Variants in CNGB3 observed in about 807,000 individuals in gnomAD.
CNGB3 encodes cyclic nucleotide gated channel subunit beta 3, also known as cyclic nucleotide-gated channel beta-3.
Under a neutral mutation model 92.8 loss-of-function variants are expected in CNGB3, and 86 were observed. The ratio of observed to expected loss-of-function variants is 0.93; its 90% CI spans 0.78 to 1.11. The LOEUF (loss-of-function observed/expected upper bound fraction) is 1.11. Among genes scored for constraint, CNGB3 ranks in the 50% least tolerant of loss-of-function variants. The probability of loss-of-function intolerance (pLI) is 0.00; values close to 1 mark genes in which losing one functional copy is unlikely to be tolerated. For synonymous variants in CNGB3, 333 were observed against 332.7 expected (o/e 1.00, Z -0.01); for missense variants, 1,026 against 956.8 (o/e 1.07, Z -0.95).
chr8:86,676,508 G>A (rs1326274287), intron 3 of CNGB3, among the ~76,000 whole-genome samples: 1 of 152,168 alleles, frequency 6.6e-6, no homozygotes, highest in African/African-American at 2.4e-5. Flanking sequence ...ATTCTAAGCA[G>A]AAGAGGGACA....
At chr8:86,668,944 A>AAGAGTTAG (rs887116555) in intron 4 of CNGB3, among the ~76,000 whole-genome samples, 1 of 152,160 alleles carries the variant, frequency 6.6e-6, no homozygotes, top group Non-Finnish European at 1.5e-5. Flanking sequence ...ATTTAAGCCC[A>AAGAGTTAG]AGAGTTAGAG....
intron 3 of CNGB3, among the ~76,000 whole-genome samples, chr8:86,684,206 G>A (rs1189487122): frequency 1.3e-5 from 2 of 152,076 alleles, no homozygotes; most frequent in Non-Finnish European, 2.9e-5. Flanking sequence ...GACATTTCAC[G>A]GAAGATGATA....
At chr8:86,652,199 T>TTTC (rs1390987825) in intron 7 of CNGB3, among the ~76,000 whole-genome samples, 2 of 151,930 alleles carry the variant, frequency 1.3e-5, no homozygotes, top group African/African-American at 4.8e-5. Context: ...AAAGGTACAG[T>TTTC]TAAAAATATG....
chr8:86,721,302 A>T (rs1183554174), intron 3 of CNGB3, among the ~76,000 whole-genome samples: 2 of 152,140 alleles, frequency 1.3e-5, no homozygotes, highest in African/African-American at 4.8e-5. Flanking sequence ...TTCTAAGTGA[A>T]GTAACTCAGG....
At chr8:86,699,127 A>G (rs1224635943) in intron 3 of CNGB3, among the ~76,000 whole-genome samples, 1 of 152,224 alleles carries the variant, frequency 6.6e-6, no homozygotes, top group African/African-American at 2.4e-5. Flanking sequence ...TTTGAAGGAT[A>G]GTAAAGTTAC....
chr8:86,579,411 G>T (rs925879568), intron 15 of CNGB3, among the ~76,000 whole-genome samples, 159 bp from the exon 16 acceptor site: 3 of 152,150 alleles, frequency 2.0e-5, no homozygotes, highest in Non-Finnish European at 4.4e-5. Context: ...TCAAGATGTG[G>T]GAATAGAAAT....
intron 11 of CNGB3, among the ~76,000 whole-genome samples, chr8:86,631,882 G>GC (rs1822968650): frequency 6.6e-6 from 1 of 152,196 alleles, no homozygotes; most frequent in East Asian, 1.9e-4. Context: ...GCTGACTGAG[G>GC]CCTTGCTTGT....
intron 6 of CNGB3, among the ~76,000 whole-genome samples, chr8:86,664,077 T>C (rs181024603): frequency 6.6e-6 from 1 of 152,374 alleles, no homozygotes; most frequent in African/African-American, 2.4e-5. Context: ...TCATCACCAT[T>C]CATCAAGCTG....
intron 3 of CNGB3, among the ~76,000 whole-genome samples, chr8:86,725,157 G>A (rs1001117391): frequency 1.3e-5 from 2 of 152,126 alleles, no homozygotes; most frequent in African/African-American, 4.8e-5. Context: ...GTGGGTTATT[G>A]TAAAAAATAA....
At chr8:86,584,719 T>C (rs1821859991) in intron 15 of CNGB3, among the ~76,000 whole-genome samples, 2 of 152,194 alleles carry the variant, frequency 1.3e-5, no homozygotes, top group Admixed American at 1.3e-4. Flanking sequence ...AGGTTGCTAT[T>C]GTTTCCCTAG....
chr8:86,651,977 G>A (rs1823411462), intron 7 of CNGB3, among the ~76,000 whole-genome samples: 1 of 151,884 alleles, frequency 6.6e-6, no homozygotes, highest in East Asian at 1.9e-4. Flanking sequence ...AAACCTAGAT[G>A]TATTGCCTAC....
chr8:86,680,988 C>G (rs1824071466), intron 3 of CNGB3, among the ~76,000 whole-genome samples: 1 of 152,120 alleles, frequency 6.6e-6, no homozygotes, highest in African/African-American at 2.4e-5. Context: ...TAAACGGCTC[C>G]TACGCTTTGC....
At position 86,628,968 on chromosome 8, in the gene CNGB3, C is replaced by A. The variant is rs760898777; in HGVS notation, c.1431G>T (p.Lys477Asn). The change falls in exon 12 of 18, where the codon AAG becomes AAT. Residue 477 changes from lysine to asparagine, a missense_variant. Lys to Asn is a moderately conservative substitution (Grantham distance 94). Coordinates refer to ENST00000320005, the MANE Select transcript of CNGB3 (RefSeq NM_019098.5). The part of the protein sequence containing the change: ...NNYSIPKLVQ[K>N]RVRTWYEYTW... ...TATATTCATACCAAGTCCGAACTCG[C>A]TTTTGCACAAGTTTAGGAATGGAGT... 1 of 1,613,954 alleles carries A rather than the reference C, an allele frequency of 6.2e-7. No individual in the cohort carries two copies. The highest frequency in any genetic ancestry group is 8.5e-7 in the Non-Finnish European group (1 of 1,179,942).
At chr8:86,704,761 T>C (rs1460409992) in intron 3 of CNGB3, among the ~76,000 whole-genome samples, 5 of 152,226 alleles carry the variant, frequency 3.3e-5, no homozygotes, top group Non-Finnish European at 1.5e-5. Flanking sequence ...AAATAAATTA[T>C]AATCTAAATT....
chr8:86,692,902 A>G (rs1824348683), intron 3 of CNGB3, among the ~76,000 whole-genome samples: 1 of 152,110 alleles, frequency 6.6e-6, no homozygotes, highest in Non-Finnish European at 1.5e-5. Flanking sequence ...TCCTTTTAGC[A>G]GTTCTTATAG....
chr8:86,635,857 T>TAC lies in CNGB3; in HGVS notation c.1179-2965_1179-2964insGT, dbSNP rs1333957308. On this transcript the variant is annotated intron_variant, in intron 10 of 17. Transcript: ENST00000320005. ...ATATATATATATATATATATATATATATATATACACATACACATATACTTA... is the reference window on the plus strand; with the variant it reads ...ATATATATATATATATATATATATATACATATATACACATACACATATACTTA... Among the ~76,000 whole-genome samples the TAC allele has an allele frequency of 1.8e-3, 138 of 77,326 alleles. 2 individuals are homozygous for TAC. Among genetic ancestry groups the TAC allele is most frequent in the Non-Finnish European group, 2.7e-3 (114 of 41,860 alleles). The allele number at this position is 77,326 out of a possible 152,430, so 50.7% of individuals were successfully genotyped here.
chr8:86,695,072 A>G (rs1235996667), intron 3 of CNGB3, among the ~76,000 whole-genome samples: 1 of 152,350 alleles, frequency 6.6e-6, no homozygotes, highest in East Asian at 1.9e-4. Context: ...AGGCTGGCGG[A>G]TCACTCGCGG....
intron 10 of CNGB3, among the ~76,000 whole-genome samples, chr8:86,640,330 C>A (rs1055480959): frequency 3.3e-5 from 5 of 151,938 alleles, no homozygotes; most frequent in African/African-American, 1.2e-4. Flanking sequence ...TTGCACTAGG[C>A]CAAACAGACC....
intron 3 of CNGB3, among the ~76,000 whole-genome samples, chr8:86,723,687 A>G (rs575543419): frequency 1.1e-3 from 170 of 152,268 alleles, no homozygotes; most frequent in African/African-American, 4.0e-3. Flanking sequence ...GCCCCTTTCA[A>G]GTTGTTCCTT....
Sources: allele counts gnomAD v4.1 joint callset (sites outside exome capture counted in the v4.1 genomes callset), GRCh38; gene constraint gnomAD v4.1.1; transcripts MANE v1.5; gene names NCBI Gene and HGNC (gene_info 2026-07-23, HGNC 2026-07-21).